Variants in STK3 observed in about 807,000 individuals in gnomAD.
STK3 encodes serine/threonine kinase 3, also known as serine/threonine-protein kinase 3.
Under a neutral mutation model 58.0 loss-of-function variants are expected in STK3, and 41 were observed. The observed-to-expected ratio is 0.71, with a 90% CI of 0.55 to 0.92. The LOEUF (loss-of-function observed/expected upper bound fraction) is 0.92, where lower values mean the gene tolerates loss of function less well. STK3 is among the 40% of genes least tolerant of loss of function. STK3 has a pLI of 0.00. For synonymous variants in STK3, 170 were observed against 191.0 expected (o/e 0.89, Z 0.91); for missense variants, 479 against 602.7 (o/e 0.79, Z 2.15).
intron 1 of STK3, among the ~76,000 whole-genome samples, chr8:98,796,537 C>A (rs1267743827): frequency 6.6e-6 from 1 of 152,146 alleles, no homozygotes; most frequent in Non-Finnish European, 1.5e-5. Context: ...AGAGGAAACA[C>A]CATTCTGGAC....
intron 7 of STK3, among the ~76,000 whole-genome samples, chr8:98,594,417 T>C (rs1257330747): frequency 1.3e-5 from 2 of 151,962 alleles, no homozygotes; most frequent in African/African-American, 4.8e-5. Flanking sequence ...CTGATCAACA[T>C]GGCGAAACTC....
chr8:98,459,080 T>C (rs1819730815), intron 10 of STK3, among the ~76,000 whole-genome samples: 1 of 152,214 alleles, frequency 6.6e-6, no homozygotes, highest in South Asian at 2.1e-4. Flanking sequence ...GTGGGAAAGT[T>C]TGGAACTTCC....
chr8:98,587,994 C>G (rs1389162519), intron 7 of STK3, among the ~76,000 whole-genome samples: 1 of 152,170 alleles, frequency 6.6e-6, no homozygotes, highest in East Asian at 1.9e-4. Flanking sequence ...ATGTGTGTCT[C>G]TGCACGTGAG....
chr8:98,680,484 A>G (rs567133384), intron 6 of STK3, among the ~76,000 whole-genome samples: 4 of 152,356 alleles, frequency 2.6e-5, no homozygotes, highest in Admixed American at 2.6e-4. Flanking sequence ...GGCTATAAGA[A>G]CACACCCAAT....
intron 7 of STK3, among the ~76,000 whole-genome samples, chr8:98,587,544 T>A (rs973907862): frequency 2.6e-5 from 4 of 151,930 alleles, no homozygotes; most frequent in African/African-American, 9.7e-5. Flanking sequence ...GGAATAGGAG[T>A]GGTGTGGTGC....
intron 10 of STK3, among the ~76,000 whole-genome samples, chr8:98,512,530 T>A (rs1413648309): frequency 6.6e-6 from 1 of 152,170 alleles, no homozygotes; most frequent in Non-Finnish European, 1.5e-5. Context: ...ATGCACTTAA[T>A]AAAATATTTG....
intron 2 of STK3, among the ~76,000 whole-genome samples, chr8:98,772,325 G>A (rs1460826534): frequency 6.6e-6 from 1 of 152,156 alleles, no homozygotes; most frequent in East Asian, 1.9e-4. Flanking sequence ...GTTAGGAGAC[G>A]TTTGGGTCAC....
chr8:98,372,638 C>T (rs1262159971), intron 2 of STK3, among the ~76,000 whole-genome samples: 1 of 152,190 alleles, frequency 6.6e-6, no homozygotes, highest in Non-Finnish European at 1.5e-5. Flanking sequence ...CCAACATCCT[C>T]GCTACTATTT....
intron 3 of STK3, among the ~76,000 whole-genome samples, chr8:98,417,532 T>TAAACAAAC (rs780001949): frequency 6.6e-6 from 1 of 151,352 alleles, no homozygotes; most frequent in African/African-American, 2.4e-5. Context: ...AATAAATAAA[T>TAAACAAAC]AAACAAACAA....
At chr8:98,922,308 G>T (rs973096802) in intron 1 of STK3, among the ~76,000 whole-genome samples, 4 of 152,200 alleles carry the variant, frequency 2.6e-5, no homozygotes, top group African/African-American at 9.6e-5. Context: ...TTGTAGAGGA[G>T]AAATAAAAAT....
Position 98,428,824 on chromosome 8 carries a change from A to T in STK3, n.483+5303T>A. On this transcript the variant is annotated intron_variant and non_coding_transcript_variant, in intron 3 of 3. Transcript: ENST00000517832. The surrounding 1 kb of genome is among the most constrained non-coding windows in gnomAD (Gnocchi z 6.7). ...ACTCTGGTGGTGAACCTGGTGGTGGAGAGCACACCTACTTTAGCCAACTTG... is the reference window on the plus strand; with the variant it reads ...ACTCTGGTGGTGAACCTGGTGGTGGTGAGCACACCTACTTTAGCCAACTTG... 1 of 1,614,132 alleles carries T rather than the reference A, an allele frequency of 6.2e-7. No homozygotes were observed. The highest frequency in any genetic ancestry group is 8.5e-7 in the Non-Finnish European group (1 of 1,180,032).
intron 6 of STK3, among the ~76,000 whole-genome samples, chr8:98,650,695 C>A (rs1047287496): frequency 3.3e-5 from 5 of 152,236 alleles, no homozygotes; most frequent in Non-Finnish European, 5.9e-5. Flanking sequence ...ATATCCCGCC[C>A]ATGGCTCGGA....
intron 9 of STK3, among the ~76,000 whole-genome samples, chr8:98,540,175 A>G (rs1239603990): frequency 6.6e-6 from 1 of 152,222 alleles, no homozygotes; most frequent in Non-Finnish European, 1.5e-5. Flanking sequence ...TCTAAACACA[A>G]TACTCCAGGT....
chr8:98,905,970 C>T (rs1838882985), intron 1 of STK3, among the ~76,000 whole-genome samples: 1 of 152,122 alleles, frequency 6.6e-6, no homozygotes, highest in African/African-American at 2.4e-5. Context: ...GAACACAGTT[C>T]AAAGAGTTGG....
At chr8:98,649,489 T>C (rs553615637) in intron 6 of STK3, among the ~76,000 whole-genome samples, 1 of 152,318 alleles carries the variant, frequency 6.6e-6, no homozygotes, top group African/African-American at 2.4e-5. Context: ...AGAATTTATT[T>C]AGGTATTGTA....
intron 4 of STK3, among the ~76,000 whole-genome samples, chr8:98,734,310 A>G (rs183726777): frequency 2.7e-4 from 41 of 152,344 alleles, no homozygotes; most frequent in African/African-American, 9.1e-4. Context: ...ACAGATGAGG[A>G]CACTGAAGTC....
intron 8 of STK3, among the ~76,000 whole-genome samples, chr8:98,566,691 G>A (rs1812509304): frequency 6.6e-6 from 1 of 152,106 alleles, no homozygotes; most frequent in Non-Finnish European, 1.5e-5. Flanking sequence ...CCAGAGTCTG[G>A]ACTGGAAACA....
intron 6 of STK3, among the ~76,000 whole-genome samples, chr8:98,681,584 T>C (rs1264460172): frequency 3.3e-5 from 5 of 152,222 alleles, no homozygotes; most frequent in African/African-American, 9.6e-5. Context: ...CCATAATACT[T>C]AAAATGAATG....
intron 1 of STK3, among the ~76,000 whole-genome samples, chr8:98,446,759 A>G (rs1053540648): frequency 2.1e-4 from 32 of 152,202 alleles, no homozygotes; most frequent in Non-Finnish European, 1.5e-5. Flanking sequence ...AGGAATATAA[A>G]TCATTCTACC....
Sources: gnomAD v4.1 joint callset for allele counts (sites outside exome capture counted in the v4.1 genomes callset) on GRCh38, gnomAD v4.1.1 for gene constraint, Gnocchi (gnomAD v3.1) non-coding constraint, MANE v1.5 for transcripts, NCBI Gene and HGNC (gene_info 2026-07-23, HGNC 2026-07-21) for gene names.